FRMD1: variants seen among roughly 807,000 people sequenced by gnomAD.
FRMD1 encodes the protein FERM domain-containing protein 1.
In FRMD1, 51 loss-of-function variants were observed where a neutral mutation model predicts 54.9. That is an observed-to-expected ratio of 0.93 (90% CI 0.74 to 1.17). The LOEUF (loss-of-function observed/expected upper bound fraction) is 1.17, where lower values mean the gene tolerates loss of function less well. FRMD1 is among the 50% of genes most tolerant of loss of function. The pLI is 0.00. For missense variants in FRMD1, 729 were observed against 743.0 expected, an observed-to-expected ratio of 0.98 and a Z score of 0.22; for synonymous variants, 324 against 306.4, an observed-to-expected ratio of 1.06 and a Z score of -0.60.
chr6:168,062,730 G>A lies in FRMD1; in HGVS notation c.870+164C>T, dbSNP rs148902619. The A allele has an allele frequency of 6.0e-4, 931 of 1,559,248 alleles. 9 individuals are homozygous for A. The African/African-American group carries it at 0.011, about 19-fold the overall frequency. On this transcript the variant is annotated intron_variant, in intron 7 of 10. Transcript: ENST00000283309. ...AGGTCGTACAGCAGCTGCGGAGCAC[G>A]GTCCACCTCCTGCGGGACAGCAGAG...
chr6:168,066,954 C>G, intron 3 of FRMD1, 123 bp from the exon 4 acceptor site: 1 of 1,228,822 alleles, frequency 8.1e-7, no homozygotes, highest in Non-Finnish European at 1.2e-6. Flanking sequence ...GCTCAGGTGT[C>G]TGCAGCCATA....
chr6:168,081,427 G>A (rs913881285), upstream of FRMD1: 1 of 1,535,492 alleles, frequency 6.5e-7, no homozygotes, highest in African/African-American at 1.4e-5. Flanking sequence ...GCCGGGCAGT[G>A]GACGGGCAGA....
chr6:168,074,741 CTGTG>C (rs571509312), intron 2 of FRMD1, among the ~76,000 whole-genome samples: 34 of 98,154 alleles, frequency 3.5e-4, no homozygotes, highest in Non-Finnish European at 6.1e-4. Context: ...TGGTGTGTAA[CTGTG>C]TGCATGTGTG....
chr6:168,089,598 A>G (rs1800981269), intron 1 of FRMD1, among the ~76,000 whole-genome samples: 1 of 152,246 alleles, frequency 6.6e-6, no homozygotes, highest in Admixed American at 6.5e-5. Context: ...GACCATCAGC[A>G]GCTTCACTGC....
intron 10 of FRMD1, 37 bp from the exon 11 acceptor site, chr6:168,057,376 CCT>C: frequency 2.5e-6 from 4 of 1,595,980 alleles, no homozygotes; most frequent in East Asian, 2.2e-5. Context: ...CCTGCTGCCC[CCT>C]CTCACTCCCA....
intron 5 of FRMD1, among the ~76,000 whole-genome samples, chr6:168,063,966 C>T (rs1027260335): frequency 6.6e-6 from 1 of 152,224 alleles, no homozygotes; most frequent in African/African-American, 2.4e-5. Context: ...CTGTCCCCCT[C>T]GGGTCCTCCC....
chr6:168,068,916 C>T (rs900520945), intron 2 of FRMD1, among the ~76,000 whole-genome samples: 1 of 152,260 alleles, frequency 6.6e-6, no homozygotes, highest in Non-Finnish European at 1.5e-5. Flanking sequence ...CTCTGCCCTG[C>T]CTGTCTTTCT....
chr6:168,091,233 T>G (rs1028157311), intron 1 of FRMD1, among the ~76,000 whole-genome samples: 1 of 152,236 alleles, frequency 6.6e-6, no homozygotes, highest in Non-Finnish European at 1.5e-5. Flanking sequence ...GCCCCGGGGC[T>G]GGAGACCCTG....
At chr6:168,068,403 G>A (rs978360648) in intron 2 of FRMD1, among the ~76,000 whole-genome samples, 1 of 152,152 alleles carries the variant, frequency 6.6e-6, no homozygotes, top group African/African-American at 2.4e-5. Flanking sequence ...CGTGTCTGCT[G>A]GGAACTGGTT....
Position 168,065,007 on chromosome 6 carries a change from A to G in FRMD1, c.512T>C (p.Leu171Pro). 1.2e-6 allele frequency: 2 copies of G among 1,611,676 alleles called. No individual in the cohort carries two copies. The highest frequency in any genetic ancestry group is 1.7e-6 in the Non-Finnish European group (2 of 1,179,674). Residue 171 changes from leucine to proline, a missense_variant, in exon 5 of 11, where the codon CTG becomes CCG. Physicochemically the swap from Leu to Pro is moderately conservative, Grantham distance 98. Coordinates refer to ENST00000283309, the MANE Select transcript of FRMD1 (RefSeq NM_024919.6). The part of the protein sequence containing the change: ...LYYCHLKERV[L>P]RSQCAHREEA... ...CTCCCGGTGAGCGCACTGTGACCTC[A>G]GCACGCGCTCCTTCAAGTGGCAGTA...
At chr6:168,083,405 A>G (rs4708431), upstream of FRMD1, among the ~76,000 whole-genome samples, 69,399 of 152,178 alleles carry the variant, frequency 0.46, 16,298 homozygotes, top group African/African-American at 0.55. Context: ...CGGTGCCGGC[A>G]GGAACCGCCC....
At chr6:168,074,570 G>C (rs1485175081) in intron 2 of FRMD1, among the ~76,000 whole-genome samples, 1 of 151,100 alleles carries the variant, frequency 6.6e-6, no homozygotes, top group African/African-American at 2.4e-5. Flanking sequence ...TGTGTGGTTT[G>C]TGCATGTGTA....
At position 168,079,016 on chromosome 6, in the gene FRMD1, A is replaced by G. The variant is rs370352820; in HGVS notation, c.79T>C (p.Cys27Arg). 72 of 1,611,836 alleles carry G rather than the reference A, an allele frequency of 4.5e-5. No homozygotes were observed. The highest frequency in any genetic ancestry group is 5.8e-5 in the Non-Finnish European group (69 of 1,179,926). The change falls in exon 1 of 11, where the codon TGT becomes CGT. Residue 27 changes from cysteine to arginine, a missense_variant. Cys to Arg is a radical substitution (Grantham distance 180, BLOSUM62 -3). Transcript: ENST00000283309. ...PDTFPPSGAR[C>R]MEPSPERPAC... is the part of the protein sequence containing the mutation. The stretch of plus-strand genomic sequence containing the variant: ...GGCCTCTCAGGACTGGGTTCCATAC[A>G]TCGCGCCCCTGAAGGAGGGAACGTG...
At position 168,057,024 on chromosome 6, in the gene FRMD1, G is replaced by C. The variant is rs779197228; in HGVS notation, c.*73C>G. On this transcript the variant is annotated 3_prime_UTR_variant, in exon 11 of 11. Coordinates refer to ENST00000283309, the MANE Select transcript of FRMD1 (RefSeq NM_024919.6). ...CAGCATCTGGCGGGCAGGAAGGGAC[G>C]AGGGCCATGTGGAAGTGGGGTGGGC... 2.1e-6 allele frequency: 3 copies of C among 1,417,592 alleles called. No individual in the cohort carries two copies. The highest frequency in any genetic ancestry group is 2.8e-6 in the Non-Finnish European group (3 of 1,083,484). The allele number at this position is 1,417,592 out of a possible 1,614,324, so 87.8% of individuals were successfully genotyped here. A position where few individuals can be genotyped will look rare whatever the true frequency, so the allele number is the denominator to read the frequency against.
In FRMD1 at chr6:168,066,782, T is replaced by C; in HGVS notation, c.434A>G (p.His145Arg). 2.5e-6 allele frequency: 4 copies of C among 1,614,066 alleles called. No homozygotes were observed. Among genetic ancestry groups the C allele is most frequent in the African/African-American group, 2.7e-5 (2 of 75,022 alleles). The change falls in exon 4 of 11, where the codon CAC becomes CGC. Residue 145 changes from histidine to arginine, a missense_variant. Transcript: ENST00000283309. Reference sequence around the variant, plus strand: ...TATGACCCTTCCGTTTTCCACGTAGTGCTGCACTCGGAGGAAGGCCACGAA... The same window carrying C: ...TATGACCCTTCCGTTTTCCACGTAGCGCTGCACTCGGAGGAAGGCCACGAA... Reference protein sequence around the residue: ...APFVAFLRVQHYVENGRVISD... With the variant: ...APFVAFLRVQRYVENGRVISD...
Position 168,056,972 on chromosome 6 carries a change from G to C in FRMD1, c.*125C>G. 1 of 1,182,646 alleles carries C rather than the reference G, an allele frequency of 8.5e-7. No individual in the cohort carries two copies. The highest frequency in any genetic ancestry group is 1.1e-6 in the Non-Finnish European group (1 of 887,284). 73.3% of individuals were successfully genotyped at this position (1,182,646 alleles called of 1,614,324 possible). On this transcript the variant is annotated 3_prime_UTR_variant, in exon 11 of 11. Transcript: ENST00000283309. ...CCACACCTCTTACAGGTGAACCTGT[G>C]GAGCGTGCTGGCTGCGGAAGTGCAG...
chr6:168,070,876 G>A (rs1161159805), intron 2 of FRMD1, among the ~76,000 whole-genome samples: 1 of 152,196 alleles, frequency 6.6e-6, no homozygotes, highest in African/African-American at 2.4e-5. Context: ...TTCTGGCGTT[G>A]GCTACAGGCT....
chr6:168,056,967 C>G lies in FRMD1; in HGVS notation c.*130G>C. ...CAGCTCCACACCTCTTACAGGTGAA[C>G]CTGTGGAGCGTGCTGGCTGCGGAAG... On this transcript the variant is annotated 3_prime_UTR_variant, in exon 11 of 11. Transcript: ENST00000283309. The G allele has an allele frequency of 3.5e-6, 4 of 1,144,944 alleles. No individual in the cohort carries two copies. The highest frequency in any genetic ancestry group is 4.7e-6 in the Non-Finnish European group (4 of 854,148). The allele number at this position is 1,144,944 out of a possible 1,614,324, so 70.9% of individuals were successfully genotyped here.
intron 1 of FRMD1, among the ~76,000 whole-genome samples, chr6:168,076,477 C>T (rs1800599408): frequency 6.6e-6 from 1 of 152,130 alleles, no homozygotes; most frequent in Non-Finnish European, 1.5e-5. Flanking sequence ...GACTGAATCA[C>T]GGGGGTGGTT....
Sources: gnomAD v4.1 joint callset for allele counts (sites outside exome capture counted in the v4.1 genomes callset) on GRCh38, gnomAD v4.1.1 for gene constraint, MANE v1.5 for transcripts, NCBI Gene and HGNC (gene_info 2026-07-23, HGNC 2026-07-21) for gene names.